The following RAP1GAP2 variants were observed in gnomAD, a reference collection of about 807,000 sequenced individuals.
RAP1GAP2 encodes RAP1 GTPase activating protein 2, also known as rap1 GTPase-activating protein 2.
Under a neutral mutation model 95.0 loss-of-function variants are expected in RAP1GAP2, and 27 were observed. The observed-to-expected ratio is 0.28, with a 90% CI of 0.21 to 0.39. The LOEUF (loss-of-function observed/expected upper bound fraction) is 0.39. Ranked by LOEUF, RAP1GAP2 falls within the 10% of genes least tolerant of loss-of-function variation. The probability of loss-of-function intolerance (pLI) is 1.00; values close to 1 mark genes in which losing one functional copy is unlikely to be tolerated. For missense variants in RAP1GAP2, 771 were observed against 970.0 expected (o/e 0.79, Z 2.72); for synonymous variants, 373 against 380.9 (o/e 0.98, Z 0.24).
chr17:2,910,962 G>A lies in RAP1GAP2; in HGVS notation c.165+5594G>A, dbSNP rs935656875. ...GATCCGCCAGCCTTGGCCTCCCAAAGTGTTCAGATGACAGGCGTGAGCCAC... is the reference window on the plus strand; with the variant it reads ...GATCCGCCAGCCTTGGCCTCCCAAAATGTTCAGATGACAGGCGTGAGCCAC... On this transcript the variant is annotated intron_variant, in intron 3 of 24. Coordinates refer to ENST00000254695, the MANE Select transcript of RAP1GAP2 (RefSeq NM_015085.5). Among the ~76,000 whole-genome samples the A allele has an allele frequency of 2.6e-5, 4 of 152,204 alleles. No individual in the cohort carries two copies. The East Asian group carries it at 5.8e-4, about 22-fold the overall frequency.
At chr17:2,758,193 T>TA in intron 1 of RAP1GAP2, among the ~76,000 whole-genome samples, 1 of 137,474 alleles carries the variant, frequency 7.3e-6, no homozygotes, top group Non-Finnish European at 1.6e-5. Flanking sequence ...TTTTTTTTTT[T>TA]AAGATGAAGT....
chr17:2,879,600 C>CCTGTA (rs956283800), intron 2 of RAP1GAP2, among the ~76,000 whole-genome samples: 1 of 151,940 alleles, frequency 6.6e-6, no homozygotes, highest in African/African-American at 2.4e-5. Flanking sequence ...GTGGTCGGCG[C>CCTGTA]CTGTAATCCC....
At chr17:2,966,330 G>T (rs1285853024) in intron 8 of RAP1GAP2, among the ~76,000 whole-genome samples, 1 of 152,190 alleles carries the variant, frequency 6.6e-6, no homozygotes, top group Admixed American at 6.5e-5. Flanking sequence ...TGTGTGTCAC[G>T]GGTATGATTT....
At chr17:2,916,079 G>T (rs2042557951) in intron 3 of RAP1GAP2, among the ~76,000 whole-genome samples, 1 of 152,160 alleles carries the variant, frequency 6.6e-6, no homozygotes, top group South Asian at 2.1e-4. Flanking sequence ...TTGGGGTCTA[G>T]GTTCATTTAT....
chr17:2,853,227 G>T (rs1489226511), intron 2 of RAP1GAP2, among the ~76,000 whole-genome samples: 1 of 152,034 alleles, frequency 6.6e-6, no homozygotes, highest in Non-Finnish European at 1.5e-5. Flanking sequence ...CCCACCCGGG[G>T]ACCCGGGCCC....
In RAP1GAP2 at chr17:2,812,976, G is replaced by A. The variant is rs556133496; in HGVS notation, c.80+12426G>A. Among the ~76,000 whole-genome samples, 8 of 126,320 alleles carry A rather than the reference G, an allele frequency of 6.3e-5. No individual in the cohort carries two copies. The South Asian group carries it at 2.1e-3, about 33-fold the overall frequency. 82.9% of individuals were successfully genotyped at this position (126,320 alleles called of 152,430 possible). A position where few individuals can be genotyped will look rare whatever the true frequency, so the allele number is the denominator to read the frequency against. On this transcript the variant is annotated intron_variant, in intron 2 of 24. Coordinates refer to ENST00000254695, the MANE Select transcript of RAP1GAP2 (RefSeq NM_015085.5). ...TTGCACTCTAGCCTGGGTAACAAGA[G>A]TGAAACTCCGTCTCAAAAAAAAAAA...
At position 2,963,048 on chromosome 17, in the gene RAP1GAP2, G is replaced by T; in HGVS notation, c.246+334G>T. On this transcript the variant is annotated intron_variant, in intron 5 of 24. Coordinates refer to ENST00000254695, the MANE Select transcript of RAP1GAP2 (RefSeq NM_015085.5). The surrounding 1 kb of genome is among the most constrained non-coding windows in gnomAD (Gnocchi z 4.8). ...TGCCCCGGGTTCCAGTGGGCAGTCA[G>T]CTCTCAGCTTCCCAACCCAGGGGTG... is the stretch of plus-strand genomic sequence containing the variant. The T allele has an allele frequency of 3.8e-6, 2 of 523,340 alleles. No individual in the cohort carries two copies. Among genetic ancestry groups the T allele is most frequent in the Non-Finnish European group, 3.4e-6 (1 of 295,136 alleles). The allele number at this position is 523,340 out of a possible 1,614,324, so 32.4% of individuals were successfully genotyped here. A position where few individuals can be genotyped will look rare whatever the true frequency, so the allele number is the denominator to read the frequency against.
rs2072616957 is a variant in RAP1GAP2 at position 2,866,473 on chromosome 17, T to G, written c.81-38811T>G. Among the ~76,000 whole-genome samples, 1 of 152,266 alleles carries G rather than the reference T, an allele frequency of 6.6e-6. No homozygotes were observed. Among genetic ancestry groups the G allele is most frequent in the African/African-American group, 2.4e-5 (1 of 41,480 alleles). On this transcript the variant is annotated intron_variant, in intron 2 of 24. Transcript: ENST00000254695. The surrounding 1 kb of genome is among the most constrained non-coding windows in gnomAD (Gnocchi z 4.0). ...GTCAGTGTTATACATGAAACAATTC[T>G]GTAACATTTGTGTTATTGTGATTTT...
Position 2,766,567 on chromosome 17 carries a change from G to A in RAP1GAP2, c.51-3762G>A, listed in dbSNP as rs144295493. Among the ~76,000 whole-genome samples, 626 of 151,894 alleles carry A rather than the reference G, an allele frequency of 4.1e-3. 3 individuals carry two copies. Among genetic ancestry groups the A allele is most frequent in the African/African-American group, 0.014 (600 of 41,428 alleles). On this transcript the variant is annotated intron_variant, in intron 1 of 25. Transcript: ENST00000637138. ...GGAGGTTGCTGTGAGCCGAGATCAC[G>A]CCATTGCACTCCAGCTCAGGTGACA...
At chr17:2,756,971 C>T (rs1203181939) in intron 1 of RAP1GAP2, among the ~76,000 whole-genome samples, 1 of 152,180 alleles carries the variant, frequency 6.6e-6, no homozygotes, top group African/African-American at 2.4e-5. Flanking sequence ...CCAGCGTGGC[C>T]ACACATCCAA....
At position 2,906,381 on chromosome 17, in the gene RAP1GAP2, A is replaced by G. The variant is rs1043975173; in HGVS notation, c.165+1013A>G. On this transcript the variant is annotated intron_variant, in intron 3 of 24. Transcript: ENST00000254695. The surrounding 1 kb of genome is among the most constrained non-coding windows in gnomAD (Gnocchi z 4.3). ...TTGTCCTGTATCCGATACCCATCACATACAGAGCCATGTGGTATGCCTCGA... is the reference window on the plus strand; with the variant it reads ...TTGTCCTGTATCCGATACCCATCACGTACAGAGCCATGTGGTATGCCTCGA... Among the ~76,000 whole-genome samples the G allele has an allele frequency of 3.3e-5, 5 of 151,998 alleles. No homozygotes were observed. The highest frequency in any genetic ancestry group is 1.2e-4 in the African/African-American group (5 of 41,378).
intron 8 of RAP1GAP2, among the ~76,000 whole-genome samples, chr17:2,979,965 A>G (rs1387812078): frequency 6.7e-6 from 1 of 149,924 alleles, no homozygotes; most frequent in Non-Finnish European, 1.5e-5. Flanking sequence ...TTTGAGGTGG[A>G]GTCTCACTCT....
chr17:2,908,019 C>G (rs919172221), intron 3 of RAP1GAP2, among the ~76,000 whole-genome samples: 5 of 151,880 alleles, frequency 3.3e-5, no homozygotes, highest in African/African-American at 1.2e-4. Context: ...GTTGGCCAGG[C>G]TGGTCTCGAA....
chr17:2,898,421 C>A (rs1012915162), intron 2 of RAP1GAP2, among the ~76,000 whole-genome samples: 4 of 152,242 alleles, frequency 2.6e-5, no homozygotes, highest in Non-Finnish European at 5.9e-5. Flanking sequence ...TTCCCTCCCC[C>A]ACACTCTGCC....
At chr17:2,829,556 T>C (rs1376583181) in intron 2 of RAP1GAP2, among the ~76,000 whole-genome samples, 1 of 152,130 alleles carries the variant, frequency 6.6e-6, no homozygotes, top group Non-Finnish European at 1.5e-5. Context: ...GAGAACTGGA[T>C]GGCAAAGCAG....
rs184126647 is a variant in RAP1GAP2 at position 2,964,115 on chromosome 17, G to A, written c.492+47G>A. ...TGCTGGGGGTTGGGGGCAGAGGCTG[G>A]GGACGCTGGGAGAGAGGAGGTACCA... On this transcript the variant is annotated intron_variant, in intron 7 of 24. Transcript: ENST00000254695. The A allele has an allele frequency of 2.8e-4, 429 of 1,519,784 alleles. 2 individuals are homozygous for A. In the African/African-American group the frequency reaches 3.8e-3, roughly 13 times the overall value. The allele number at this position is 1,519,784 out of a possible 1,614,324, so 94.1% of individuals were successfully genotyped here. A position where few individuals can be genotyped will look rare whatever the true frequency, so the allele number is the denominator to read the frequency against.
intron 13 of RAP1GAP2, among the ~76,000 whole-genome samples, chr17:2,996,793 C>T (rs548194761): frequency 5.9e-4 from 90 of 152,268 alleles, no homozygotes; most frequent in African/African-American, 2.1e-3. Flanking sequence ...TGGAAAGATG[C>T]GCGTGGAGTA....
At chr17:2,966,210 T>C (rs2151495993) in intron 8 of RAP1GAP2, among the ~76,000 whole-genome samples, 1 of 152,362 alleles carries the variant, frequency 6.6e-6, no homozygotes, top group Middle Eastern at 3.4e-3. Context: ...TTAGCTAACA[T>C]GTTTTGTAAA....
rs530470291 is a variant in RAP1GAP2 at position 2,962,552 on chromosome 17, C to T, written c.202-118C>T. The T allele has an allele frequency of 2.7e-5, 30 of 1,123,306 alleles. No individual in the cohort carries two copies. The African/African-American group carries it at 2.9e-4, about 11-fold the overall frequency. 69.6% of individuals were successfully genotyped at this position (1,123,306 alleles called of 1,614,324 possible). A position where few individuals can be genotyped will look rare whatever the true frequency, so the allele number is the denominator to read the frequency against. On this transcript the variant is annotated intron_variant, in intron 4 of 24. Coordinates refer to ENST00000254695, the MANE Select transcript of RAP1GAP2 (RefSeq NM_015085.5). ...AGGTGTGATGTGTGCAGGCCCAGCA[C>T]GGGCCAGCTTTTGCTGCTGCTCCTG...
Sources: gnomAD v4.1 joint callset for allele counts (sites outside exome capture counted in the v4.1 genomes callset) on GRCh38, gnomAD v4.1.1 for gene constraint, Gnocchi (gnomAD v3.1) non-coding constraint, MANE v1.5 for transcripts, NCBI Gene and HGNC (gene_info 2026-07-23, HGNC 2026-07-21) for gene names.